Variants in RBFOX1 observed in about 807,000 individuals in gnomAD.
RBFOX1 encodes RNA binding fox-1 homolog 1, also known as RNA binding protein fox-1 homolog 1.
Under a neutral mutation model 57.7 loss-of-function variants are expected in RBFOX1, and 8 were observed. That is an observed-to-expected ratio of 0.14 (90% confidence interval 0.08 to 0.25). The LOEUF (loss-of-function observed/expected upper bound fraction) is 0.25, where lower values mean the gene tolerates loss of function less well. RBFOX1 is among the 10% of genes least tolerant of loss of function. The pLI, the probability that RBFOX1 is intolerant of heterozygous loss-of-function variation, is 1.00. For synonymous variants in RBFOX1, 326 were observed against 222.4 expected (o/e 1.47, Z -4.15); for missense variants, 611 against 548.5 (o/e 1.11, Z -1.14).
intron 3 of RBFOX1, among the ~76,000 whole-genome samples, chr16:6,823,156 C>T (rs1295557677): frequency 6.6e-6 from 1 of 152,110 alleles, no homozygotes. Flanking sequence ...AGGACCATCT[C>T]AGCCCCAAAG....
chr16:5,574,887 G>C (rs1293980340), intron 2 of RBFOX1, among the ~76,000 whole-genome samples: 1 of 152,110 alleles, frequency 6.6e-6, no homozygotes. Context: ...TAAGTTATAG[G>C]GATGGTGGCC....
intron 3 of RBFOX1, among the ~76,000 whole-genome samples, chr16:5,698,786 G>A (rs929187102): frequency 2.0e-5 from 3 of 152,150 alleles, no homozygotes; most frequent in African/African-American, 7.2e-5. Flanking sequence ...ATGAGGTACT[G>A]AAATAGGCTA....
chr16:6,716,986 T>C (rs541046420), intron 3 of RBFOX1, among the ~76,000 whole-genome samples: 13 of 152,314 alleles, frequency 8.5e-5, no homozygotes, highest in Middle Eastern at 3.4e-3. Context: ...AGTGCCCTTA[T>C]AAGAAGAGAC....
chr16:6,647,422 A>T (rs985515861), intron 2 of RBFOX1, among the ~76,000 whole-genome samples: 1 of 151,976 alleles, frequency 6.6e-6, no homozygotes, highest in East Asian at 1.9e-4. Context: ...TTTTTCTATT[A>T]TATTGAAATC....
intron 2 of RBFOX1, among the ~76,000 whole-genome samples, chr16:6,506,624 A>ATTTTTTTTTTTTTTTTT (rs71145238): frequency 2.0e-5 from 2 of 98,422 alleles, no homozygotes; most frequent in African/African-American, 8.7e-5. Flanking sequence ...ACAGTAGCTA[A>ATTTTTTTTTTTTTTTTT]TTTTTTTTTT....
chr16:6,286,775 T>A (rs1203193161), intron 1 of RBFOX1, among the ~76,000 whole-genome samples: 1 of 152,176 alleles, frequency 6.6e-6, no homozygotes, highest in Non-Finnish European at 1.5e-5. Context: ...AGCCAGTAGG[T>A]CTTTATACAA....
Position 5,906,448 on chromosome 16 carries a change from C to T in RBFOX1, c.351+39113C>T, listed in dbSNP as rs551747479. 9.8e-4 allele frequency among the ~76,000 whole-genome samples: 149 copies of T among 152,290 alleles called. 1 individual carries two copies. Among genetic ancestry groups the T allele is most frequent in the Admixed American group, 2.9e-3 (45 of 15,302 alleles). ...GGGTAGAGCTACGGAACAGATCCTG[C>T]TTCACAGTCCTCAGAAGGAACCAAA... On this transcript the variant is annotated intron_variant, in intron 4 of 19. Coordinates refer to the RBFOX1 transcript ENST00000641259.
At chr16:7,049,433 A>G (rs2049173426) in intron 3 of RBFOX1, among the ~76,000 whole-genome samples, 2 of 151,928 alleles carry the variant, frequency 1.3e-5, no homozygotes. Flanking sequence ...GCATAAGAGG[A>G]CACACAAACT....
rs1597413287 is a variant in RBFOX1 at position 5,830,689 on chromosome 16, C to G, written c.319-36614C>G. Among the ~76,000 whole-genome samples the G allele has an allele frequency of 2.6e-5, 4 of 152,318 alleles. No individual in the cohort carries two copies. In the South Asian group the frequency reaches 6.2e-4, roughly 24 times the overall value. On this transcript the variant is annotated intron_variant, in intron 3 of 19. Coordinates refer to the RBFOX1 transcript ENST00000641259. ...AGATCAAATCATGTCAGTGTGTCCT[C>G]TCTGCATCACCACTGCCCTAGAATA...
intron 4 of RBFOX1, among the ~76,000 whole-genome samples, chr16:7,292,399 T>A (rs1165519412): frequency 7.1e-6 from 1 of 141,222 alleles, no homozygotes; most frequent in African/African-American, 2.6e-5. Context: ...ATATATAATA[T>A]GTAATGTATT....
chr16:5,285,435 T>A (rs1316392697), intron 1 of RBFOX1, among the ~76,000 whole-genome samples: 1 of 152,196 alleles, frequency 6.6e-6, no homozygotes, highest in Non-Finnish European at 1.5e-5. Context: ...ATTCTGAAAA[T>A]TTTTTCAGGC....
In RBFOX1 at chr16:6,899,781, A is replaced by G. The variant is rs117359010; in HGVS notation, c.-15-152276A>G. On this transcript the variant is annotated intron_variant, in intron 3 of 15. Transcript: ENST00000550418. ...CATGAATGAAGTACATCATACTTAC[A>G]TATTTGAAGTATGGACACCTTTTCA... is the stretch of plus-strand genomic sequence containing the variant. Among the ~76,000 whole-genome samples the G allele has an allele frequency of 8.7e-3, 1,329 of 152,344 alleles. 3 individuals carry two copies. Among genetic ancestry groups the G allele is most frequent in the Non-Finnish European group, 0.014 (933 of 68,028 alleles).
rs59126310 is a variant in RBFOX1 at position 7,448,448 on chromosome 16, G to T, written c.28-69699G>T. ...CAAAGACACGTTTTACATGGCGGCA[G>T]GCAAGAGAGTGTATGCAGGGCAGCT... On this transcript the variant is annotated intron_variant, in intron 4 of 15. Transcript: ENST00000550418. Among the ~76,000 whole-genome samples the T allele has an allele frequency of 2.0e-3, 298 of 152,198 alleles. 1 individual carries two copies. The highest frequency in any genetic ancestry group is 6.6e-3 in the African/African-American group (275 of 41,448).
chr16:7,472,150 A>C (rs1432080169), intron 4 of RBFOX1, among the ~76,000 whole-genome samples: 1 of 152,188 alleles, frequency 6.6e-6, no homozygotes, highest in African/African-American at 2.4e-5. Context: ...TCTTCTTTTT[A>C]TCCATAGTTC....
intron 2 of RBFOX1, chr16:6,483,292 G>A: frequency 2.2e-6 from 3 of 1,389,060 alleles, no homozygotes; most frequent in South Asian, 1.6e-5. Context: ...TGCACGGGCT[G>A]CTCGCTCTCG....
rs141168382 is a variant in RBFOX1 at position 5,975,411 on chromosome 16, A to G, written c.351+108076A>G. Among the ~76,000 whole-genome samples, 41 of 152,342 alleles carry G rather than the reference A, an allele frequency of 2.7e-4. 1 individual carries two copies. The highest frequency in any genetic ancestry group is 9.1e-4 in the African/African-American group (38 of 41,574). On this transcript the variant is annotated intron_variant, in intron 4 of 19. Coordinates refer to the RBFOX1 transcript ENST00000641259. ...ACAGAGCTGGGTGCCTGGCTGCTAC[A>G]TTACTCAAAAGCTCATCTGATAGGG...
At chr16:5,855,237 A>G (rs1051913329) in intron 3 of RBFOX1, among the ~76,000 whole-genome samples, 2 of 152,138 alleles carry the variant, frequency 1.3e-5, no homozygotes, top group African/African-American at 4.8e-5. Flanking sequence ...ATGAAAGCCT[A>G]CTTGTTCATT....
chr16:5,919,346 A>T (rs566694414), intron 4 of RBFOX1, among the ~76,000 whole-genome samples: 47 of 152,122 alleles, frequency 3.1e-4, no homozygotes, highest in Non-Finnish European at 4.9e-4. Flanking sequence ...GCATTTTTAA[A>T]TTTTTTTTAT....
chr16:5,745,095 C>T (rs2052924841), intron 3 of RBFOX1, among the ~76,000 whole-genome samples: 1 of 152,152 alleles, frequency 6.6e-6, no homozygotes, highest in Admixed American at 6.6e-5. Flanking sequence ...CCTCCCCCTT[C>T]CCCCACCTCA....
Sources: gnomAD v4.1 joint callset for allele counts (sites outside exome capture counted in the v4.1 genomes callset) on GRCh38, gnomAD v4.1.1 for gene constraint, MANE v1.5 for transcripts, NCBI Gene and HGNC (gene_info 2026-07-23, HGNC 2026-07-21) for gene names.